Variants in FHIP1A observed in about 807,000 individuals in gnomAD.
FHIP1A encodes FHF complex subunit HOOK interacting protein 1A.
In FHIP1A, 61 loss-of-function variants were observed where a neutral mutation model predicts 88.6. That is an observed-to-expected ratio of 0.69 (90% CI 0.56 to 0.85). The LOEUF (loss-of-function observed/expected upper bound fraction) is 0.85. Ranked by LOEUF, FHIP1A falls within the 40% of genes least tolerant of loss-of-function variation. FHIP1A has a pLI of 0.00. For synonymous variants in FHIP1A, 478 were observed against 496.0 expected (o/e 0.96, Z 0.48); for missense variants, 1,154 against 1,273.5 (o/e 0.91, Z 1.43).
At chr4:151,560,997 A>G (rs1733151726) in intron 3 of FHIP1A, among the ~76,000 whole-genome samples, 1 of 152,148 alleles carries the variant, frequency 6.6e-6, no homozygotes, top group Non-Finnish European at 1.5e-5. Context: ...TTTCACATTT[A>G]TTCTGCTCAT....
Position 151,578,096 on chromosome 4 carries a change from A to G in FHIP1A, c.732+20A>G. On this transcript the variant is annotated intron_variant, in intron 5 of 13. Transcript: ENST00000435205. Reference sequence around the variant, plus strand: ...TGTCCAGTAAGTCTCTTTCCTTGGCATGTTTTCCACTCACTCCCTTTTTTC... The same window carrying G: ...TGTCCAGTAAGTCTCTTTCCTTGGCGTGTTTTCCACTCACTCCCTTTTTTC... 1.9e-6 allele frequency: 3 copies of G among 1,540,166 alleles called. No homozygotes were observed. The highest frequency in any genetic ancestry group is 2.6e-6 in the Non-Finnish European group (3 of 1,141,580).
chr4:151,584,496 A>C (rs1451048723), intron 5 of FHIP1A, among the ~76,000 whole-genome samples: 1 of 152,148 alleles, frequency 6.6e-6, no homozygotes, highest in African/African-American at 2.4e-5. Flanking sequence ...GATGCCAGGC[A>C]TTGTGGATTA....
intron 3 of FHIP1A, among the ~76,000 whole-genome samples, chr4:151,542,672 G>A (rs1380368405): frequency 6.6e-6 from 1 of 152,112 alleles, no homozygotes; most frequent in African/African-American, 2.4e-5. Context: ...TCCCTTGCCT[G>A]GCTGTCATTA....
chr4:151,514,357 A>T (rs894254175), intron 3 of FHIP1A, among the ~76,000 whole-genome samples: 8 of 151,922 alleles, frequency 5.3e-5, no homozygotes, highest in African/African-American at 1.9e-4. Context: ...AGCAGGAAAG[A>T]TCCAAAATTG....
chr4:151,507,046 T>A (rs1453980673), intron 3 of FHIP1A, among the ~76,000 whole-genome samples: 1 of 152,164 alleles, frequency 6.6e-6, no homozygotes, highest in East Asian at 1.9e-4. Flanking sequence ...TAGTTGAGAT[T>A]TCCTACCCAG....
chr4:151,490,291 G>A (rs1266047718), intron 3 of FHIP1A, among the ~76,000 whole-genome samples: 1 of 152,172 alleles, frequency 6.6e-6, no homozygotes, highest in Admixed American at 6.5e-5. Flanking sequence ...GCAGGTGCTG[G>A]TATCCATGGC....
At chr4:151,595,487 T>A (rs779906533) in intron 7 of FHIP1A, among the ~76,000 whole-genome samples, 5 of 152,182 alleles carry the variant, frequency 3.3e-5, no homozygotes, top group Non-Finnish European at 7.4e-5. Context: ...CTGAGAAGAA[T>A]GTATATTCTG....
At chr4:151,638,784 A>T (rs758590080) in intron 9 of FHIP1A, 28 bp downstream of exon 9, 2 of 1,314,082 alleles carry the variant, frequency 1.5e-6, no homozygotes. Context: ...TTTCCTTTAA[A>T]GAAAAATTCA....
At chr4:151,453,133 C>T (rs1442342766) in intron 1 of FHIP1A, among the ~76,000 whole-genome samples, 1 of 151,846 alleles carries the variant, frequency 6.6e-6, no homozygotes, top group Non-Finnish European at 1.5e-5. Flanking sequence ...TCTCTTGTCT[C>T]AGCCTCCCGA....
intron 13 of FHIP1A, among the ~76,000 whole-genome samples, chr4:151,657,962 C>A (rs916976113): frequency 6.6e-6 from 1 of 152,176 alleles, no homozygotes; most frequent in African/African-American, 2.4e-5. Context: ...AGGTGCTTTC[C>A]GGCTGAAGCC....
At chr4:151,510,350 C>T (rs1264504620) in intron 3 of FHIP1A, among the ~76,000 whole-genome samples, 2 of 152,086 alleles carry the variant, frequency 1.3e-5, no homozygotes, top group African/African-American at 2.4e-5. Context: ...CTCAAGCTGT[C>T]CTCCCACCTT....
In FHIP1A at chr4:151,650,090, C is replaced by T. The variant is rs1416244963; in HGVS notation, c.2049C>T (p.Pro683=). The change falls in exon 11 of 14, where the codon CCC becomes CCT. Residue 683 remains proline, a synonymous_variant. Coordinates refer to ENST00000435205, the MANE Select transcript of FHIP1A (RefSeq NM_001109977.3). The part of the protein sequence containing the change: ...EVQSVPINNG[P]LLSTQPETDS... ...AGAGTGTCCCCATCAACAACGGCCCCCTCCTCAGCACCCAGCCAGAGACAG... is the reference window on the plus strand; with the variant it reads ...AGAGTGTCCCCATCAACAACGGCCCTCTCCTCAGCACCCAGCCAGAGACAG... The T allele has an allele frequency of 6.4e-7, 1 of 1,551,672 alleles. No individual in the cohort carries two copies. Among genetic ancestry groups the T allele is most frequent in the African/African-American group, 1.4e-5 (1 of 73,162 alleles).
intron 3 of FHIP1A, among the ~76,000 whole-genome samples, chr4:151,521,675 T>TTGTA (rs35842414): frequency 0.035 from 5,282 of 150,416 alleles, 90 homozygotes; most frequent in Admixed American, 0.048. Flanking sequence ...GTATGTCAGT[T>TTGTA]TGTATGTATG....
intron 13 of FHIP1A, among the ~76,000 whole-genome samples, chr4:151,657,527 G>C (rs1254073685): frequency 6.6e-6 from 1 of 152,144 alleles, no homozygotes; most frequent in African/African-American, 2.4e-5. Flanking sequence ...CGCTGAGGAT[G>C]GCTGGCCAGG....
chr4:151,656,907 G>A lies in FHIP1A; in HGVS notation c.2869+9G>A, dbSNP rs1277001867. 10 of 1,546,004 alleles carry A rather than the reference G, an allele frequency of 6.5e-6. No individual in the cohort carries two copies. The highest frequency in any genetic ancestry group is 2.0e-5 in the Admixed American group (1 of 50,254). On this transcript the variant is annotated intron_variant, in intron 13 of 13. Coordinates refer to ENST00000435205, the MANE Select transcript of FHIP1A (RefSeq NM_001109977.3). This position sits in a 1 kb window ranked among gnomAD's most constrained non-coding sequence, Gnocchi z 4.2. ...TGCAGCACTAACCAAAGGTAAGCCA[G>A]GTTTCTCCACAGCGCCCCTCCTTAA... is the stretch of plus-strand genomic sequence containing the variant.
At chr4:151,493,884 G>T (rs1346004433) in intron 3 of FHIP1A, among the ~76,000 whole-genome samples, 1 of 152,164 alleles carries the variant, frequency 6.6e-6, no homozygotes, top group Non-Finnish European at 1.5e-5. Context: ...ATGGGGAAAA[G>T]TTGAAAGCAT....
intron 3 of FHIP1A, among the ~76,000 whole-genome samples, chr4:151,562,414 T>C (rs891097541): frequency 1.3e-5 from 2 of 152,210 alleles, no homozygotes; most frequent in Non-Finnish European, 2.9e-5. Context: ...GTTCTTGATC[T>C]CACCTTTCTT....
rs1383038698 is a variant in FHIP1A, at chr4:151,664,178, G to C, written c.*1424G>C. ...GAAATTGGAAGGTTTGTCTCTCTCT[G>C]TTCTTTGTGGGCATCTCTGTGGAGC... On this transcript the variant is annotated 3_prime_UTR_variant, in exon 14 of 14. Transcript: ENST00000435205. Among the ~76,000 whole-genome samples the C allele has an allele frequency of 2.0e-5, 3 of 152,206 alleles. No individual in the cohort carries two copies. The highest frequency in any genetic ancestry group is 2.4e-5 in the African/African-American group (1 of 41,444).
At chr4:151,518,029 G>A (rs773881376) in intron 3 of FHIP1A, among the ~76,000 whole-genome samples, 2 of 152,188 alleles carry the variant, frequency 1.3e-5, no homozygotes. Flanking sequence ...TAGCCTAGAT[G>A]TACAGTATTT....
Sources: gnomAD v4.1 joint callset for allele counts (sites outside exome capture counted in the v4.1 genomes callset) on GRCh38, gnomAD v4.1.1 for gene constraint, Gnocchi (gnomAD v3.1) non-coding constraint, MANE v1.5 for transcripts, NCBI Gene and HGNC (gene_info 2026-07-23, HGNC 2026-07-21) for gene names.